The following CGAS variants were observed in gnomAD, a reference collection of about 807,000 sequenced individuals.
CGAS encodes the protein 2'3'-cGAMP synthase.
Under a neutral mutation model 34.0 loss-of-function variants are expected in CGAS, and 31 were observed. The ratio of observed to expected loss-of-function variants is 0.91; its 90% confidence interval spans 0.69 to 1.23. The LOEUF (loss-of-function observed/expected upper bound fraction) is 1.23. Among genes scored for constraint, CGAS ranks in the 50% most tolerant of loss-of-function variants. CGAS has a pLI of 0.00. For missense variants in CGAS, 597 were observed against 657.6 expected (o/e 0.91, Z 1.01); for synonymous variants, 266 against 260.0 (o/e 1.02, Z -0.22).
chr6:73,443,261 A>G (rs1206314793), intron 2 of CGAS, among the ~76,000 whole-genome samples: 1 of 112,580 alleles, frequency 8.9e-6, no homozygotes, highest in African/African-American at 3.4e-5. Context: ...TTTTTCTGAG[A>G]CAGGGTCTCA....
intron 3 of CGAS, chr6:73,439,923 C>A: frequency 3.2e-6 from 1 of 315,168 alleles, no homozygotes; most frequent in South Asian, 4.0e-5. Flanking sequence ...GATTCAGAAC[C>A]AGGGCAGTCT....
At position 73,425,580 on chromosome 6, in the gene CGAS, T is replaced by C; in HGVS notation, c.1218-2A>G. ...TTCATTAGTTTTAAACAATCTTTCC[T>C]GTTGAATAAAAAAGGAAAACACTTA... On this transcript the variant is annotated splice_acceptor_variant, in intron 4 of 4. Coordinates refer to ENST00000370315, the MANE Select transcript of CGAS (RefSeq NM_138441.3). LOFTEE classifies it high-confidence loss of function. 14 of 1,556,390 alleles carry C rather than the reference T, an allele frequency of 9.0e-6. No individual in the cohort carries two copies. Among genetic ancestry groups the C allele is most frequent in the African/African-American group, 1.4e-5 (1 of 72,038 alleles).
At chr6:73,446,068 C>A (rs1178818977) in intron 1 of CGAS, among the ~76,000 whole-genome samples, 2 of 152,248 alleles carry the variant, frequency 1.3e-5, no homozygotes, top group East Asian at 3.9e-4. Context: ...GTGGCTCATG[C>A]CTGTAATCCC....
At chr6:73,426,399 T>C (rs1027728041) in intron 4 of CGAS, among the ~76,000 whole-genome samples, 1 of 151,740 alleles carries the variant, frequency 6.6e-6, no homozygotes, top group Non-Finnish European at 1.5e-5. Flanking sequence ...TAAAATCTGA[T>C]TATGTTTTCA....
intron 2 of CGAS, among the ~76,000 whole-genome samples, chr6:73,442,888 T>C (rs538815580): frequency 4.0e-5 from 6 of 151,710 alleles, no homozygotes; most frequent in South Asian, 4.2e-4. Flanking sequence ...TGAGCCACCA[T>C]ACCTGGCCTA....
intron 1 of CGAS, among the ~76,000 whole-genome samples, chr6:73,448,431 A>C (rs1289269691): frequency 3.3e-5 from 5 of 152,256 alleles, no homozygotes; most frequent in East Asian, 3.9e-4. Context: ...AACAAACAAA[A>C]AAAACTACAA....
At chr6:73,446,808 A>G (rs922350428) in intron 1 of CGAS, among the ~76,000 whole-genome samples, 28 of 150,522 alleles carry the variant, frequency 1.9e-4, no homozygotes, top group African/African-American at 6.6e-4. Context: ...TTGTAATCCC[A>G]GTACTTTGGG....
At chr6:73,437,654 T>C (rs538361069) in intron 3 of CGAS, among the ~76,000 whole-genome samples, 1 of 152,284 alleles carries the variant, frequency 6.6e-6, no homozygotes, top group Non-Finnish European at 1.5e-5. Flanking sequence ...TGTCCTTTTA[T>C]CTTAAGAACA....
rs750077245 is a variant in CGAS, at chr6:73,440,308, G to A, written c.1015C>T (p.Arg339Cys). The change falls in exon 3 of 5, where the codon CGC becomes TGC. Residue 339 changes from arginine (R) to cysteine (C), a missense_variant. Arg to Cys is a radical substitution (Grantham distance 180). Transcript: ENST00000370315. ...TTTGCTGAAAGCCAGTTTTGAATGC[G>A]CAGGCCTTCTTGGGTGCTAGCAGGC... The part of the protein sequence containing the change: ...SWPASTQEGL[R>C]IQNWLSAKVR... The A allele has an allele frequency of 5.5e-5, 88 of 1,614,044 alleles. No homozygotes were observed. Among genetic ancestry groups the A allele is most frequent in the South Asian group, 2.6e-4 (24 of 91,086 alleles).
At chr6:73,435,398 A>G (rs1770264770) in intron 3 of CGAS, among the ~76,000 whole-genome samples, 1 of 152,224 alleles carries the variant, frequency 6.6e-6, no homozygotes, top group African/African-American at 2.4e-5. Context: ...ACTCTGATAC[A>G]TTGCTGTGGA....
At chr6:73,448,690 T>C (rs1016917167) in intron 1 of CGAS, among the ~76,000 whole-genome samples, 1 of 152,194 alleles carries the variant, frequency 6.6e-6, no homozygotes, top group Non-Finnish European at 1.5e-5. Context: ...GGTCTCACTA[T>C]GTTGTCCAGG....
At chr6:73,445,238 T>C (rs926283890) in intron 2 of CGAS, among the ~76,000 whole-genome samples, 27 of 151,950 alleles carry the variant, frequency 1.8e-4, no homozygotes, top group African/African-American at 6.5e-4. Flanking sequence ...TTCATATAAT[T>C]TAATCATTTA....
intron 1 of CGAS, among the ~76,000 whole-genome samples, chr6:73,450,415 CAA>C (rs538531836): frequency 1.9e-4 from 16 of 84,074 alleles, no homozygotes; most frequent in Non-Finnish European, 2.2e-4. Flanking sequence ...AACTCCGTCT[CAA>C]AAAAAAAAAA....
At chr6:73,444,917 G>A (rs574440444) in intron 2 of CGAS, among the ~76,000 whole-genome samples, 7 of 152,226 alleles carry the variant, frequency 4.6e-5, no homozygotes, top group Non-Finnish European at 7.4e-5. Context: ...TGGATGGTGC[G>A]TCTGGGTGGA....
At chr6:73,427,096 T>C (rs1770102817) in intron 4 of CGAS, among the ~76,000 whole-genome samples, 2 of 151,780 alleles carry the variant, frequency 1.3e-5, no homozygotes, top group South Asian at 4.1e-4. Context: ...GTGATCTACC[T>C]GCCTCGGCCT....
At chr6:73,442,276 G>A (rs1770391358) in intron 2 of CGAS, among the ~76,000 whole-genome samples, 1 of 151,924 alleles carries the variant, frequency 6.6e-6, no homozygotes, top group Non-Finnish European at 1.5e-5. Context: ...TCCTACATCA[G>A]CCATCTCTCC....
chr6:73,449,432 G>A (rs1184805034), intron 1 of CGAS, among the ~76,000 whole-genome samples: 3 of 151,022 alleles, frequency 2.0e-5, no homozygotes, highest in Admixed American at 6.6e-5. Flanking sequence ...CCGAGATCGC[G>A]CCACTGCACT....
chr6:73,447,033 G>A (rs541106185), intron 1 of CGAS, among the ~76,000 whole-genome samples: 4 of 152,324 alleles, frequency 2.6e-5, no homozygotes, highest in African/African-American at 9.6e-5. Flanking sequence ...TCCAGCCTGG[G>A]CGACAGTGCG....
chr6:73,444,128 T>C (rs577150302), intron 2 of CGAS, among the ~76,000 whole-genome samples: 1 of 151,858 alleles, frequency 6.6e-6, no homozygotes, highest in African/African-American at 2.4e-5. Flanking sequence ...TAGCTGGGAT[T>C]ACAGGCATCC....
Sources: gnomAD v4.1 joint callset for allele counts (sites outside exome capture counted in the v4.1 genomes callset) on GRCh38, gnomAD v4.1.1 for gene constraint, MANE v1.5 for transcripts, NCBI Gene and HGNC (gene_info 2026-07-23, HGNC 2026-07-21) for gene names.